SASH1: variants seen among roughly 807,000 people sequenced by gnomAD.
The protein encoded by SASH1 is SAM and SH3 domain containing 1.
SASH1 carries 44 observed loss-of-function variants against 125.2 expected under a neutral mutation model. The ratio of observed to expected loss-of-function variants is 0.35; its 90% CI spans 0.28 to 0.45. SASH1 has a LOEUF of 0.45. Ranked by LOEUF, SASH1 falls within the 20% of genes least tolerant of loss-of-function variation. The probability of loss-of-function intolerance (pLI) is 1.00; values close to 1 mark genes in which losing one functional copy is unlikely to be tolerated. For synonymous variants in SASH1, 639 were observed against 649.1 expected (o/e 0.98, Z 0.24); for missense variants, 1,426 against 1,614.5 (o/e 0.88, Z 2.00).
intron 1 of SASH1, among the ~76,000 whole-genome samples, chr6:148,361,998 C>G (rs556679136): frequency 6.7e-6 from 1 of 148,908 alleles, no homozygotes; most frequent in African/African-American, 2.5e-5. Flanking sequence ...ACTGCAAGCT[C>G]CGCCTCCCGG....
At chr6:148,238,645 C>T in the SASH1 span, among the ~76,000 whole-genome samples, 1 of 151,850 alleles carries the variant, frequency 6.6e-6, no homozygotes, top group Admixed American at 6.6e-5. Context: ...CACACACACA[C>T]ACACACACAC....
intron 2 of SASH1, among the ~76,000 whole-genome samples, chr6:148,408,195 A>G (rs1346266006): frequency 8.6e-6 from 1 of 116,108 alleles, no homozygotes; most frequent in African/African-American, 3.5e-5. Flanking sequence ...GCAACCTCCT[A>G]CTCCTGGGTT....
chr6:148,360,505 G>A (rs907409359), intron 1 of SASH1, among the ~76,000 whole-genome samples: 3 of 151,920 alleles, frequency 2.0e-5, no homozygotes, highest in Non-Finnish European at 4.4e-5. Context: ...GTGCTACCAC[G>A]TCCAGTTAAT....
the SASH1 span, among the ~76,000 whole-genome samples, chr6:148,231,844 A>G: frequency 6.6e-6 from 1 of 152,152 alleles, no homozygotes; most frequent in African/African-American, 2.4e-5. Context: ...ATGTTGTAGA[A>G]GAAATGTCAT....
chr6:148,457,254 C>T (rs1194373211), intron 4 of SASH1, among the ~76,000 whole-genome samples: 1 of 151,282 alleles, frequency 6.6e-6, no homozygotes, highest in Non-Finnish European at 1.5e-5. Context: ...GACCTGAAGC[C>T]GCAGACTCCA....
chr6:148,441,249 G>A (rs1288985952), intron 4 of SASH1, among the ~76,000 whole-genome samples: 2 of 152,220 alleles, frequency 1.3e-5, no homozygotes, highest in Admixed American at 6.5e-5. Context: ...AGCACACGTT[G>A]GGGAGAGCGT....
intron 1 of SASH1, among the ~76,000 whole-genome samples, chr6:148,330,144 T>C (rs536373856): frequency 1.3e-5 from 2 of 152,360 alleles, no homozygotes; most frequent in South Asian, 2.1e-4. Context: ...GAATGTTATA[T>C]TCAGCTCACT....
the SASH1 span, among the ~76,000 whole-genome samples, chr6:148,240,431 G>C: frequency 6.6e-6 from 1 of 152,180 alleles, no homozygotes; most frequent in African/African-American, 2.4e-5. Flanking sequence ...GCTTTCTTTA[G>C]AAATGATTAG....
chr6:148,200,675 C>A, the SASH1 span, among the ~76,000 whole-genome samples: 1 of 152,154 alleles, frequency 6.6e-6, no homozygotes, highest in African/African-American at 2.4e-5. Context: ...GAACAGACCT[C>A]GCACAGGCTG....
rs901172889 is a variant in SASH1 at position 148,544,305 on chromosome 6, G to T, written c.2835G>T (p.Arg945Ser). 7 of 1,614,080 alleles carry T rather than the reference G, an allele frequency of 4.3e-6. No homozygotes were observed. The highest frequency in any genetic ancestry group is 5.9e-6 in the Non-Finnish European group (7 of 1,180,000). The part of the protein sequence containing the change: ...QPPGAKHGLA[R>S]TPLEGHRKGH... ...CTGGAGCTAAACACGGTTTAGCAAG[G>T]ACGCCTCTGGAGGGCCACAGAAAAG... The change falls in exon 18 of 20, where the codon AGG becomes AGT. Residue 945 changes from arginine to serine, a missense_variant. By Grantham distance (110) the Arg-to-Ser change is moderately radical (BLOSUM62 -1). Coordinates refer to ENST00000367467, the MANE Select transcript of SASH1 (RefSeq NM_015278.5). The surrounding 1 kb of genome is among the most constrained non-coding windows in gnomAD (Gnocchi z 6.4).
chr6:148,271,236 A>G (rs989645753), upstream of SASH1, among the ~76,000 whole-genome samples: 1 of 152,076 alleles, frequency 6.6e-6, no homozygotes, highest in Non-Finnish European at 1.5e-5. Flanking sequence ...TACCACTGCT[A>G]CTGCTGCCTA....
intron 7 of SASH1, among the ~76,000 whole-genome samples, 178 bp from the exon 8 acceptor site, chr6:148,487,436 C>T (rs1297715074): frequency 6.6e-6 from 1 of 152,078 alleles, no homozygotes; most frequent in Non-Finnish European, 1.5e-5. Context: ...GTGTCTTTGG[C>T]TGGTACTTAG....
At chr6:148,331,639 C>A (rs1780998117) in intron 1 of SASH1, among the ~76,000 whole-genome samples, 2 of 151,584 alleles carry the variant, frequency 1.3e-5, no homozygotes. Flanking sequence ...AGAACTTGGT[C>A]TTTACACAGC....
At chr6:148,343,304 A>G (rs1781406199) in intron 1 of SASH1, 81 bp downstream of exon 1, 4 of 1,399,392 alleles carry the variant, frequency 2.9e-6, no homozygotes, top group Non-Finnish European at 3.9e-6. Flanking sequence ...CTTCTCGCCC[A>G]CCCACTGGGC....
upstream of SASH1, among the ~76,000 whole-genome samples, chr6:148,341,323 T>G (rs1781315908): frequency 6.8e-6 from 1 of 147,004 alleles, no homozygotes; most frequent in Non-Finnish European, 1.5e-5. Flanking sequence ...TTTTGTTTTT[T>G]TTTTTTGTTT....
chr6:148,207,607 G>A, the SASH1 span, among the ~76,000 whole-genome samples: 29 of 152,310 alleles, frequency 1.9e-4, no homozygotes, highest in Admixed American at 1.4e-3. Context: ...GAGAATACGG[G>A]AGCCCCATGT....
chr6:148,243,277 C>T, the SASH1 span, among the ~76,000 whole-genome samples: 2 of 151,974 alleles, frequency 1.3e-5, no homozygotes, highest in African/African-American at 4.8e-5. Flanking sequence ...ATGGAGAAAC[C>T]CCGTCTTTAC....
intron 7 of SASH1, among the ~76,000 whole-genome samples, chr6:148,481,223 T>C (rs538718711): frequency 2.4e-4 from 37 of 152,104 alleles, no homozygotes; most frequent in Non-Finnish European, 4.7e-4. Flanking sequence ...TATCTCTTCA[T>C]AGAACTGAAA....
the SASH1 span, among the ~76,000 whole-genome samples, chr6:148,212,326 C>A: frequency 6.6e-6 from 1 of 152,234 alleles, no homozygotes; most frequent in South Asian, 2.1e-4. Flanking sequence ...GCACTGATGC[C>A]AAGAGATGGG....
Sources: allele counts gnomAD v4.1 joint callset (sites outside exome capture counted in the v4.1 genomes callset), GRCh38; gene constraint gnomAD v4.1.1; non-coding constraint Gnocchi (gnomAD v3.1); transcripts MANE v1.5; gene names NCBI Gene and HGNC (gene_info 2026-07-23, HGNC 2026-07-21).